Variants in EFNA5 observed in about 807,000 individuals in gnomAD.
EFNA5 encodes the protein ephrin A5, also known as ephrin-A5.
In EFNA5, 5 loss-of-function variants were observed where a neutral mutation model predicts 22.9. That is an observed-to-expected ratio of 0.22 (90% CI 0.11 to 0.46). The LOEUF (loss-of-function observed/expected upper bound fraction) is 0.46, where lower values mean the gene tolerates loss of function less well. Among genes scored for constraint, EFNA5 ranks in the 20% least tolerant of loss-of-function variants. EFNA5 has a pLI of 0.99. For missense variants in EFNA5, 237 were observed against 293.3 expected (o/e 0.81, Z 1.40); for synonymous variants, 113 against 112.2 (o/e 1.01, Z -0.04).
chr5:107,467,495 C>T (rs1348880924), intron 1 of EFNA5, among the ~76,000 whole-genome samples: 2 of 151,916 alleles, frequency 1.3e-5, no homozygotes, highest in Non-Finnish European at 2.9e-5. Flanking sequence ...TGGAAAAAGG[C>T]TATAAAGTTT....
At chr5:107,398,285 G>A (rs1747981827) in intron 2 of EFNA5, among the ~76,000 whole-genome samples, 3 of 152,090 alleles carry the variant, frequency 2.0e-5, no homozygotes, top group African/African-American at 7.2e-5. Context: ...GGCCACTTGA[G>A]GTATGTCTCC....
chr5:107,430,006 A>G (rs1446386494), intron 1 of EFNA5, among the ~76,000 whole-genome samples: 1 of 152,208 alleles, frequency 6.6e-6, no homozygotes, highest in Non-Finnish European at 1.5e-5. Context: ...ATAAGGACAA[A>G]TTCTCAGAAT....
intron 1 of EFNA5, among the ~76,000 whole-genome samples, chr5:107,436,075 A>G (rs1749102031): frequency 6.6e-6 from 1 of 152,250 alleles, no homozygotes; most frequent in Admixed American, 6.5e-5. Flanking sequence ...TAGATAGATA[A>G]AATTCACATA....
Position 107,490,956 on chromosome 5 carries a change from A to G in EFNA5, c.126-63447T>C, listed in dbSNP as rs185400772. Among the ~76,000 whole-genome samples the G allele has an allele frequency of 1.3e-3, 204 of 152,316 alleles. 1 individual carries two copies. Among genetic ancestry groups the G allele is most frequent in the African/African-American group, 4.6e-3 (193 of 41,566 alleles). ...GGTTTCATTAACTCTTTTACTTTCA[A>G]TCATCTTCAAACTCAGCTCCTAGAA... On this transcript the variant is annotated intron_variant, in intron 1 of 4. Coordinates refer to ENST00000333274, the MANE Select transcript of EFNA5 (RefSeq NM_001962.3).
chr5:107,512,385 CAACAAA>C (rs1396154937), intron 1 of EFNA5, among the ~76,000 whole-genome samples: 1 of 140,362 alleles, frequency 7.1e-6, no homozygotes, highest in Non-Finnish European at 1.5e-5. Context: ...ACAACAACAA[CAACAAA>C]AAACACAAAA....
chr5:107,618,429 C>T (rs1016205729), intron 1 of EFNA5, among the ~76,000 whole-genome samples: 1 of 152,152 alleles, frequency 6.6e-6, no homozygotes, highest in Non-Finnish European at 1.5e-5. Flanking sequence ...TTCCGCATGT[C>T]ATATGATTCC....
intron 1 of EFNA5, among the ~76,000 whole-genome samples, chr5:107,486,026 T>C (rs944003683): frequency 6.6e-6 from 1 of 152,190 alleles, no homozygotes; most frequent in East Asian, 1.9e-4. Flanking sequence ...ATGTTGAGGG[T>C]AAATGTGCAA....
At chr5:107,446,013 C>T (rs925136302) in intron 1 of EFNA5, among the ~76,000 whole-genome samples, 1 of 152,174 alleles carries the variant, frequency 6.6e-6, no homozygotes, top group Non-Finnish European at 1.5e-5. Flanking sequence ...GAAAGGAATA[C>T]ACAGTTGTCT....
At chr5:107,536,733 T>C (rs1034363860) in intron 1 of EFNA5, among the ~76,000 whole-genome samples, 2 of 152,160 alleles carry the variant, frequency 1.3e-5, no homozygotes, top group Admixed American at 1.3e-4. Context: ...GCACTGACAA[T>C]AATTCAAAAC....
chr5:107,541,515 A>G (rs1304566832), intron 1 of EFNA5, among the ~76,000 whole-genome samples: 3 of 152,234 alleles, frequency 2.0e-5, no homozygotes, highest in African/African-American at 7.2e-5. Flanking sequence ...AAATTAGATT[A>G]GCACTGATAT....
intron 1 of EFNA5, among the ~76,000 whole-genome samples, chr5:107,648,810 A>C (rs1410642198): frequency 6.6e-6 from 1 of 152,148 alleles, no homozygotes; most frequent in East Asian, 1.9e-4. Flanking sequence ...AAATCCTTTT[A>C]ATAAAATCTT....
intron 2 of EFNA5, among the ~76,000 whole-genome samples, chr5:107,394,342 A>G (rs573810275): frequency 6.6e-6 from 1 of 152,318 alleles, no homozygotes; most frequent in African/African-American, 2.4e-5. Context: ...GGAGGTCACT[A>G]AGTAAAGATA....
intron 1 of EFNA5, among the ~76,000 whole-genome samples, chr5:107,538,316 G>A (rs1202596937): frequency 6.6e-6 from 1 of 152,130 alleles, no homozygotes; most frequent in Non-Finnish European, 1.5e-5. Flanking sequence ...TAATTACTGA[G>A]GTACTTACTG....
chr5:107,403,993 C>T (rs766660699), intron 2 of EFNA5, among the ~76,000 whole-genome samples: 2 of 152,174 alleles, frequency 1.3e-5, no homozygotes, highest in Non-Finnish European at 2.9e-5. Context: ...GTTTCTCAAT[C>T]TTAAAATAGC....
chr5:107,480,840 G>A (rs1310080378), intron 1 of EFNA5, among the ~76,000 whole-genome samples: 1 of 152,138 alleles, frequency 6.6e-6, no homozygotes, highest in Non-Finnish European at 1.5e-5. Flanking sequence ...GGGACAAACA[G>A]GTCTCAAAGG....
At chr5:107,422,732 G>T (rs1450010663) in intron 2 of EFNA5, among the ~76,000 whole-genome samples, 2 of 152,172 alleles carry the variant, frequency 1.3e-5, no homozygotes, top group East Asian at 3.9e-4. Flanking sequence ...TGCTGGCCAG[G>T]TTAGAGACTG....
At chr5:107,442,626 A>G (rs920788727) in intron 1 of EFNA5, among the ~76,000 whole-genome samples, 6 of 152,172 alleles carry the variant, frequency 3.9e-5, no homozygotes, top group African/African-American at 1.2e-4. Flanking sequence ...TTATATTGCT[A>G]TTGTTCAATA....
chr5:107,667,506 A>G (rs1289104309), intron 1 of EFNA5, among the ~76,000 whole-genome samples: 1 of 152,162 alleles, frequency 6.6e-6, no homozygotes, highest in East Asian at 1.9e-4. Context: ...CAAGTTACAC[A>G]GTAAGATACT....
chr5:107,441,530 T>C (rs2112436189), intron 1 of EFNA5, among the ~76,000 whole-genome samples: 1 of 152,314 alleles, frequency 6.6e-6, no homozygotes, highest in East Asian at 1.9e-4. Flanking sequence ...TACTTCAGTT[T>C]AGTTCTGAAT....
Sources: gnomAD v4.1 joint callset for allele counts (sites outside exome capture counted in the v4.1 genomes callset) on GRCh38, gnomAD v4.1.1 for gene constraint, MANE v1.5 for transcripts, NCBI Gene and HGNC (gene_info 2026-07-23, HGNC 2026-07-21) for gene names.